Variants in CAMK4 observed in about 807,000 individuals in gnomAD.
CAMK4 encodes calcium/calmodulin-dependent protein kinase type IV.
A neutral mutation model predicts 44.9 loss-of-function variants in CAMK4; 22 were observed. The ratio of observed to expected loss-of-function variants is 0.49; its 90% CI spans 0.35 to 0.70. CAMK4 has a LOEUF of 0.70. Ranked by LOEUF, CAMK4 falls within the 30% of genes least tolerant of loss-of-function variation. CAMK4 has a pLI of 0.01. For missense variants in CAMK4, 498 were observed against 586.8 expected (o/e 0.85, Z 1.56); for synonymous variants, 218 against 215.4 (o/e 1.01, Z -0.11).
intron 1 of CAMK4, among the ~76,000 whole-genome samples, chr5:111,259,066 T>A (rs950203299): frequency 6.6e-6 from 1 of 152,134 alleles, no homozygotes; most frequent in South Asian, 2.1e-4. Flanking sequence ...TTGTACCTTT[T>A]CCAATTCTAC....
At chr5:111,457,151 A>G (rs1005965841) in intron 7 of CAMK4, among the ~76,000 whole-genome samples, 4 of 152,190 alleles carry the variant, frequency 2.6e-5, no homozygotes, top group African/African-American at 4.8e-5. Flanking sequence ...TGAAATTTTT[A>G]CAACCACAGA....
chr5:111,236,088 C>T (rs1482442728), intron 1 of CAMK4, among the ~76,000 whole-genome samples: 2 of 152,226 alleles, frequency 1.3e-5, no homozygotes, highest in African/African-American at 4.8e-5. Context: ...AGTGTGTTCT[C>T]CACGTCATTT....
At chr5:111,452,609 C>A (rs1754275767) in intron 7 of CAMK4, among the ~76,000 whole-genome samples, 1 of 152,188 alleles carries the variant, frequency 6.6e-6, no homozygotes, top group Non-Finnish European at 1.5e-5. Flanking sequence ...TTAAATCTAT[C>A]TACTTTTTTA....
intron 3 of CAMK4, 109 bp downstream of exon 3, chr5:111,375,021 T>C (rs1279850692): frequency 2.7e-6 from 2 of 737,678 alleles, no homozygotes; most frequent in African/African-American, 1.7e-5. Context: ...CCACCACTGA[T>C]AGCTACTATG....
At chr5:111,333,442 A>T (rs1749261424) in intron 1 of CAMK4, among the ~76,000 whole-genome samples, 1 of 151,582 alleles carries the variant, frequency 6.6e-6, no homozygotes, top group African/African-American at 2.4e-5. Flanking sequence ...AGTTATTAAG[A>T]CCCTTTATTC....
intron 1 of CAMK4, 39 bp from the exon 2 acceptor site, chr5:111,343,985 A>T: frequency 8.1e-7 from 1 of 1,228,740 alleles, no homozygotes; most frequent in Non-Finnish European, 1.2e-6. Context: ...ATTCATGTCC[A>T]AAGCATAACA....
At chr5:111,237,707 A>G (rs1475584347) in intron 1 of CAMK4, among the ~76,000 whole-genome samples, 1 of 152,190 alleles carries the variant, frequency 6.6e-6, no homozygotes, top group Non-Finnish European at 1.5e-5. Context: ...AGCTTGACTT[A>G]TGACCTATTT....
chr5:111,264,327 A>G (rs925382140), intron 1 of CAMK4, among the ~76,000 whole-genome samples: 1 of 152,072 alleles, frequency 6.6e-6, no homozygotes. Flanking sequence ...TGGTGTGCCG[A>G]TGGTGATGTC....
intron 1 of CAMK4, among the ~76,000 whole-genome samples, chr5:111,299,755 T>C (rs183527922): frequency 6.6e-6 from 1 of 152,354 alleles, no homozygotes; most frequent in African/African-American, 2.4e-5. Flanking sequence ...AGTGCTGTTC[T>C]AAATTTGATA....
intron 2 of CAMK4, among the ~76,000 whole-genome samples, chr5:111,369,071 T>A (rs115728760): frequency 0.031 from 4,578 of 149,334 alleles, 236 homozygotes; most frequent in African/African-American, 0.11. Flanking sequence ...TAATAATTAT[T>A]ATTATTATTA....
intron 7 of CAMK4, among the ~76,000 whole-genome samples, chr5:111,457,602 G>A (rs545486356): frequency 1.3e-5 from 2 of 152,280 alleles, no homozygotes; most frequent in South Asian, 4.1e-4. Context: ...TTGAACAGAA[G>A]AGATCTCTGC....
In CAMK4 at chr5:111,488,387, C is replaced by T. The variant is rs937692017; in HGVS notation, c.*3921C>T. 1 of 152,170 alleles carries T rather than the reference C, an allele frequency of 6.6e-6. No homozygotes were observed. Among genetic ancestry groups the T allele is most frequent in the Admixed American group, 6.6e-5 (1 of 15,266 alleles). The allele number at this position is 152,170 out of a possible 1,614,324, so 9.4% of individuals were successfully genotyped here. ...AAGACTTTTGAAAATTTTTTACATA[C>T]TGATTTTAGAATAATCCTCAAGGTT... On this transcript the variant is annotated 3_prime_UTR_variant, in exon 11 of 11. Transcript: ENST00000282356.
chr5:111,366,570 A>T (rs73788847), intron 2 of CAMK4, among the ~76,000 whole-genome samples: 5,742 of 152,090 alleles, frequency 0.038, 377 homozygotes, highest in African/African-American at 0.13. Context: ...TTTTTTCTTC[A>T]TATGTTTTTA....
chr5:111,408,260 A>G (rs986586442), intron 5 of CAMK4, among the ~76,000 whole-genome samples: 5 of 152,226 alleles, frequency 3.3e-5, no homozygotes, highest in Admixed American at 1.3e-4. Context: ...TAATAAAGAT[A>G]TAGCCCAGAG....
chr5:111,456,489 T>G (rs1402936807), intron 7 of CAMK4, among the ~76,000 whole-genome samples: 2 of 100,084 alleles, frequency 2.0e-5, no homozygotes, highest in African/African-American at 5.7e-5. Flanking sequence ...AGACTCCATC[T>G]CAAAAAATAA....
At chr5:111,232,636 C>A (rs928874440) in intron 1 of CAMK4, among the ~76,000 whole-genome samples, 1 of 151,988 alleles carries the variant, frequency 6.6e-6, no homozygotes, top group Non-Finnish European at 1.5e-5. Flanking sequence ...ATAAAGTAAC[C>A]ATTGTGAGAG....
intron 5 of CAMK4, among the ~76,000 whole-genome samples, chr5:111,442,810 T>G (rs1463661175): frequency 6.7e-6 from 1 of 148,796 alleles, no homozygotes; most frequent in African/African-American, 2.4e-5. Context: ...ATATATTTAA[T>G]ATTTTCAGTT....
At chr5:111,384,422 A>G (rs1391619995) in intron 4 of CAMK4, among the ~76,000 whole-genome samples, 1 of 152,024 alleles carries the variant, frequency 6.6e-6, no homozygotes, top group African/African-American at 2.4e-5. Flanking sequence ...CTTCTTCTAC[A>G]TTCTTGTTAG....
At chr5:111,413,080 G>T (rs980332537) in intron 5 of CAMK4, among the ~76,000 whole-genome samples, 1 of 151,922 alleles carries the variant, frequency 6.6e-6, no homozygotes, top group African/African-American at 2.4e-5. Context: ...TTCTTTCCTC[G>T]GTAAAGCCAA....
Sources: allele counts gnomAD v4.1 joint callset (sites outside exome capture counted in the v4.1 genomes callset), GRCh38; gene constraint gnomAD v4.1.1; transcripts MANE v1.5; gene names NCBI Gene and HGNC (gene_info 2026-07-23, HGNC 2026-07-21).